DNAH10: variants seen among roughly 807,000 people sequenced by gnomAD.
The protein encoded by DNAH10 is axonemal beta dynein heavy chain 10.
DNAH10 carries 348 observed loss-of-function variants against 506.6 expected under a neutral mutation model. That is an observed-to-expected ratio of 0.69 (90% CI 0.63 to 0.75). The LOEUF is 0.75. DNAH10 is among the 30% of genes least tolerant of loss of function. DNAH10 has a pLI of 0.00. For missense variants in DNAH10, 5,179 were observed against 5,787.1 expected (o/e 0.89, Z 3.41); for synonymous variants, 2,059 against 2,198.6 (o/e 0.94, Z 1.78).
chr12:123,896,166 G>T (rs1390470839), intron 54 of DNAH10, among the ~76,000 whole-genome samples: 7 of 149,800 alleles, frequency 4.7e-5, no homozygotes, highest in African/African-American at 1.7e-4. Context: ...GAGAGAGAGA[G>T]AGAGAGAGAG....
In DNAH10 at chr12:123,916,514, G is replaced by A. The variant is rs748789680; in HGVS notation, c.10780G>A (p.Gly3594Arg). The A allele has an allele frequency of 1.2e-5, 19 of 1,613,650 alleles. No individual in the cohort carries two copies. Among genetic ancestry groups the A allele is most frequent in the East Asian group, 2.2e-5 (1 of 44,890 alleles). ...LKQLEMSIKY[G>R]TPFLFRDVDE... is the part of the protein sequence containing the mutation. Reference sequence around the variant, plus strand: ...GCAGCTAGAGATGTCCATAAAGTACGGGACCCCTTTCCTGTTCCGCGATGT... The same window carrying A: ...GCAGCTAGAGATGTCCATAAAGTACAGGACCCCTTTCCTGTTCCGCGATGT... The change falls in exon 63 of 79, where the codon GGG becomes AGG. Residue 3594 changes from glycine (G) to arginine (R), a missense_variant. This residue lies in a region of DNAH10 where 4,844 missense variants were observed against 5,430.5 expected (regional missense o/e 0.89). Coordinates refer to ENST00000673944, the MANE Select transcript of DNAH10 (RefSeq NM_001372106.1). The surrounding 1 kb of genome is among the most constrained non-coding windows in gnomAD (Gnocchi z 4.6).
At position 123,841,527 on chromosome 12, in the gene DNAH10, A is replaced by G; in HGVS notation, c.5342A>G (p.Tyr1781Cys). Residue 1781 changes from tyrosine (Y) to cysteine (C), a missense_variant, in exon 30 of 79, where the codon TAC (tyrosine) becomes TGC (cysteine). Tyr to Cys is a radical substitution (Grantham distance 194). Transcript: ENST00000673944. Reference sequence around the variant, plus strand: ...ATTACCAAAGAGGCTATTTTTAGATACTGTGAAGACAGAAGCAGGTAAGGC... The same window carrying G: ...ATTACCAAAGAGGCTATTTTTAGATGCTGTGAAGACAGAAGCAGGTAAGGC... ...RLITKEAIFR[Y>C]CEDRSRVDWM... The G allele has an allele frequency of 6.2e-7, 1 of 1,613,922 alleles. No homozygotes were observed. The highest frequency in any genetic ancestry group is 8.5e-7 in the Non-Finnish European group (1 of 1,179,858).
rs1954968553 is a variant in DNAH10, at chr12:123,926,858, G to C, written c.12105+38G>C. On this transcript the variant is annotated intron_variant, in intron 69 of 78. Transcript: ENST00000673944. The surrounding 1 kb of genome is among the most constrained non-coding windows in gnomAD (Gnocchi z 4.1). The stretch of plus-strand genomic sequence containing the variant: ...TGAAAGGAACAAGCTCTACGTTTAG[G>C]GGAGGTCCCTGGTGTCTGCTAAGAA... The C allele has an allele frequency of 2.5e-6, 4 of 1,607,118 alleles. No individual in the cohort carries two copies. The highest frequency in any genetic ancestry group is 3.4e-6 in the Non-Finnish European group (4 of 1,178,180).
chr12:123,828,244 A>T (rs976408488), intron 25 of DNAH10, among the ~76,000 whole-genome samples: 1 of 152,122 alleles, frequency 6.6e-6, no homozygotes, highest in Non-Finnish European at 1.5e-5. Flanking sequence ...TCGCTCTAAG[A>T]AAGGTGAATG....
At chr12:123,888,385 AAG>A (rs1344464492) in intron 52 of DNAH10, among the ~76,000 whole-genome samples, 3 of 152,162 alleles carry the variant, frequency 2.0e-5, no homozygotes, top group Non-Finnish European at 4.4e-5. Context: ...TTGTAAGAAA[AAG>A]AGTCTTTGCA....
chr12:123,931,354 C>T lies in DNAH10; in HGVS notation c.12798C>T (p.Ala4266=), dbSNP rs767280692. The T allele has an allele frequency of 1.2e-6, 2 of 1,613,648 alleles. No individual in the cohort carries two copies. The highest frequency in any genetic ancestry group is 4.5e-5 in the East Asian group (2 of 44,896). ...EKEKFVEAIE[A]LPLANTPEVF... Reference sequence around the variant, plus strand: ...CTGTGATTGCAGAAGCCATCGAGGCCCTCCCGCTTGCCAACACGCCAGAAG... The same window carrying T: ...CTGTGATTGCAGAAGCCATCGAGGCTCTCCCGCTTGCCAACACGCCAGAAG... Residue 4266 remains alanine (A), a synonymous_variant, in exon 74 of 79, where the codon GCC becomes GCT. Coordinates refer to ENST00000673944, the MANE Select transcript of DNAH10 (RefSeq NM_001372106.1).
In DNAH10 at chr12:123,916,184, CCT is replaced by C. The variant is rs1285371396; in HGVS notation, c.10723-266_10723-265del. Among the ~76,000 whole-genome samples, 2 of 152,152 alleles carry C rather than the reference CCT, an allele frequency of 1.3e-5. No homozygotes were observed. The highest frequency in any genetic ancestry group is 4.8e-5 in the African/African-American group (2 of 41,434). ...CCCCTAGTCCAATTCCAACATCTACCCTCTCTCTTAAAGAGGAGGGGTTCTAG... is the reference window on the plus strand; with the variant it reads ...CCCCTAGTCCAATTCCAACATCTACCCTCTCTTAAAGAGGAGGGGTTCTAG... On this transcript the variant is annotated intron_variant, in intron 62 of 78. Transcript: ENST00000673944. This position sits in a 1 kb window ranked among gnomAD's most constrained non-coding sequence, Gnocchi z 4.6.
intron 29 of DNAH10, among the ~76,000 whole-genome samples, 199 bp downstream of exon 29, chr12:123,838,888 T>C (rs1416309119): frequency 1.3e-5 from 2 of 152,136 alleles, no homozygotes; most frequent in Non-Finnish European, 2.9e-5. Flanking sequence ...TCATGGCTCA[T>C]TGCAGCCTCC....
At position 123,931,818 on chromosome 12, in the gene DNAH10, A is replaced by T. The variant is rs1219196297; in HGVS notation, c.13099A>T (p.Met4367Leu). The change falls in exon 75 of 79, where the codon ATG becomes TTG. Residue 4367 changes from methionine (M) to leucine (L), a missense_variant. Met to Leu is a conservative substitution (Grantham distance 15, BLOSUM62 2). Transcript: ENST00000673944. ...ACGCTTCAACAAGCTTGTGGTCCGGATGACGAAGTCTCTGGCTGAACTTCA... is the reference window on the plus strand; with the variant it reads ...ACGCTTCAACAAGCTTGTGGTCCGGTTGACGAAGTCTCTGGCTGAACTTCA... ...LERFNKLVVRMTKSLAELQRA... is the reference protein window; with the variant it reads ...LERFNKLVVRLTKSLAELQRA... The T allele has an allele frequency of 6.2e-7, 1 of 1,613,926 alleles. No homozygotes were observed. Among genetic ancestry groups the T allele is most frequent in the Non-Finnish European group, 8.5e-7 (1 of 1,179,904 alleles).
rs59003958 is a variant in DNAH10, at chr12:123,780,149, TTC to T, written c.622-905_622-904del. ...AGTTTCCCCTCCCTCCCTCCCTCCT[TTC>T]TCTCTCTCTCTCTCTCTCTCTCTCT... On this transcript the variant is annotated intron_variant, in intron 5 of 78. Coordinates refer to ENST00000673944, the MANE Select transcript of DNAH10 (RefSeq NM_001372106.1). 6.2e-3 allele frequency among the ~76,000 whole-genome samples: 820 copies of T among 133,168 alleles called. 8 individuals are homozygous for T. The highest frequency in any genetic ancestry group is 0.018 in the African/African-American group (636 of 35,006). 87.4% of individuals were successfully genotyped at this position (133,168 alleles called of 152,430 possible).
intron 37 of DNAH10, 22 bp from the exon 38 acceptor site, chr12:123,859,128 G>A (rs767452932): frequency 1.3e-6 from 2 of 1,590,314 alleles, no homozygotes; most frequent in Middle Eastern, 1.7e-4. Flanking sequence ...TTTTAGCCCA[G>A]CTGCCATTGT....
chr12:123,815,542 G>A (rs1032484214), intron 21 of DNAH10, among the ~76,000 whole-genome samples: 4 of 151,996 alleles, frequency 2.6e-5, no homozygotes, highest in Admixed American at 6.6e-5. Flanking sequence ...ATTCCTGTAC[G>A]AGGCTGGATG....
chr12:123,904,885 C>T (rs1953704080), intron 57 of DNAH10, among the ~76,000 whole-genome samples: 1 of 152,126 alleles, frequency 6.6e-6, no homozygotes, highest in East Asian at 1.9e-4. Flanking sequence ...TGGGAAAAGC[C>T]CACGGCCACT....
intron 29 of DNAH10, among the ~76,000 whole-genome samples, chr12:123,839,584 CT>C (rs1329780617): frequency 6.6e-6 from 1 of 151,324 alleles, no homozygotes. Flanking sequence ...TGGTTTGTCT[CT>C]TTTTTTTGTA....
chr12:123,769,715 C>A (rs1332913931), intron 2 of DNAH10, among the ~76,000 whole-genome samples: 2 of 151,814 alleles, frequency 1.3e-5, no homozygotes, highest in African/African-American at 4.8e-5. Context: ...TCACTTTTAC[C>A]ATTTTTACCA....
chr12:123,765,411 C>T (rs1227030669), intron 1 of DNAH10, among the ~76,000 whole-genome samples: 1 of 152,118 alleles, frequency 6.6e-6, no homozygotes, highest in Non-Finnish European at 1.5e-5. Flanking sequence ...TCCCTTAAGC[C>T]CCAGTCCTGC....
chr12:123,887,463 C>A, intron 52 of DNAH10, 150 bp downstream of exon 52: 1 of 911,060 alleles, frequency 1.1e-6, no homozygotes, highest in Non-Finnish European at 1.6e-6. Flanking sequence ...TGAGATAGGT[C>A]TCATTATCTT....
At chr12:123,825,612 G>C (rs903587505) in intron 24 of DNAH10, among the ~76,000 whole-genome samples, 20 of 152,202 alleles carry the variant, frequency 1.3e-4, no homozygotes, top group African/African-American at 4.6e-4. Context: ...TATGGTGGCA[G>C]TACACAGATC....
intron 27 of DNAH10, among the ~76,000 whole-genome samples, chr12:123,834,049 T>C (rs2136533857): frequency 6.6e-6 from 1 of 152,246 alleles, no homozygotes; most frequent in South Asian, 2.1e-4. Context: ...AAGCCTTGGG[T>C]GGGATGAAGC....
Sources: gnomAD v4.1 joint callset for allele counts (sites outside exome capture counted in the v4.1 genomes callset) on GRCh38, gnomAD v4.1.1 for gene constraint, gnomAD v4.1.1 regional missense constraint, Gnocchi (gnomAD v3.1) non-coding constraint, MANE v1.5 for transcripts, NCBI Gene and HGNC (gene_info 2026-07-23, HGNC 2026-07-21) for gene names.